GRM7: variants seen among roughly 807,000 people sequenced by gnomAD.
The protein encoded by GRM7 is metabotropic glutamate receptor 7.
Under a neutral mutation model 84.5 loss-of-function variants are expected in GRM7, and 35 were observed. The observed-to-expected ratio is 0.41, with a 90% CI of 0.32 to 0.55. The LOEUF is 0.55. Ranked by LOEUF, GRM7 falls within the 20% of genes least tolerant of loss-of-function variation. The pLI is 0.19. For synonymous variants in GRM7, 487 were observed against 455.1 expected, an observed-to-expected ratio of 1.07 and a Z score of -0.89; for missense variants, 1,003 against 1,194.6, an observed-to-expected ratio of 0.84 and a Z score of 2.36.
chr3:7,106,274 CTTTT>C (rs5846487), intron 1 of GRM7, among the ~76,000 whole-genome samples: 1 of 149,118 alleles, frequency 6.7e-6, no homozygotes, highest in Non-Finnish European at 1.5e-5. Flanking sequence ...ATTCATTTTT[CTTTT>C]TTTTTTATTA....
intron 4 of GRM7, among the ~76,000 whole-genome samples, chr3:7,369,009 T>A (rs1694025203): frequency 6.6e-6 from 1 of 152,146 alleles, no homozygotes; most frequent in Non-Finnish European, 1.5e-5. Context: ...CAGTTGTTGT[T>A]GCTGTCACAC....
intron 4 of GRM7, among the ~76,000 whole-genome samples, chr3:7,363,774 G>A (rs1693765831): frequency 1.3e-5 from 2 of 152,104 alleles, no homozygotes; most frequent in East Asian, 1.9e-4. Flanking sequence ...AGAGCTCCTC[G>A]AATTCTACAT....
intron 7 of GRM7, chr3:7,559,216 G>C (rs1156987411): frequency 2.7e-5 from 4 of 147,636 alleles, no homozygotes; most frequent in Non-Finnish European, 6.0e-5. Context: ...GCCCAAGACA[G>C]CTGCTTGGCT....
chr3:7,356,026 C>T (rs1281510947), intron 4 of GRM7, among the ~76,000 whole-genome samples: 1 of 152,074 alleles, frequency 6.6e-6, no homozygotes, highest in Non-Finnish European at 1.5e-5. Flanking sequence ...GAAGGGAAGT[C>T]TTCCCCATAG....
chr3:7,739,620 G>T (rs1272916510), intron 9 of GRM7, among the ~76,000 whole-genome samples: 2 of 152,166 alleles, frequency 1.3e-5, no homozygotes, highest in African/African-American at 4.8e-5. Flanking sequence ...AATCTGCTGT[G>T]CTCATTGGCT....
chr3:7,622,746 C>T (rs1417966933), intron 8 of GRM7, among the ~76,000 whole-genome samples: 1 of 152,010 alleles, frequency 6.6e-6, no homozygotes, highest in Non-Finnish European at 1.5e-5. Flanking sequence ...AACTTGAAGC[C>T]CACAAGTCAG....
chr3:7,305,045 C>A (rs1164381374), intron 3 of GRM7, among the ~76,000 whole-genome samples: 2 of 152,138 alleles, frequency 1.3e-5, no homozygotes, highest in South Asian at 2.1e-4. Context: ...TATCTAGAGT[C>A]TACTTTCTGA....
chr3:6,884,975 G>C (rs961742277), intron 1 of GRM7, among the ~76,000 whole-genome samples: 1 of 152,132 alleles, frequency 6.6e-6, no homozygotes, highest in African/African-American at 2.4e-5. Flanking sequence ...TGATGTTCTT[G>C]AACTCTTCCA....
chr3:7,394,998 A>C (rs948826649), intron 4 of GRM7, among the ~76,000 whole-genome samples: 1 of 150,690 alleles, frequency 6.6e-6, no homozygotes, highest in African/African-American at 2.4e-5. Context: ...AAATTGCGCC[A>C]TTGCACTCCA....
At chr3:7,362,975 AC>A (rs1420562557) in intron 4 of GRM7, among the ~76,000 whole-genome samples, 1 of 151,966 alleles carries the variant, frequency 6.6e-6, no homozygotes, top group African/African-American at 2.4e-5. Context: ...ATAAAAAGTT[AC>A]CCAGGCATGG....
chr3:6,870,879 G>A (rs1695098470), intron 1 of GRM7, among the ~76,000 whole-genome samples: 2 of 152,136 alleles, frequency 1.3e-5, no homozygotes, highest in Admixed American at 6.5e-5. Context: ...AGGGTTAGGG[G>A]TTAAGGATCA....
chr3:6,933,341 A>G (rs1218210462), intron 1 of GRM7, among the ~76,000 whole-genome samples: 1 of 152,154 alleles, frequency 6.6e-6, no homozygotes, highest in African/African-American at 2.4e-5. Context: ...GGTTGGTAAA[A>G]CAGGATCATA....
intron 1 of GRM7, among the ~76,000 whole-genome samples, chr3:6,993,110 G>A (rs1046419919): frequency 6.6e-6 from 1 of 152,188 alleles, no homozygotes; most frequent in Non-Finnish European, 1.5e-5. Flanking sequence ...TTCTTCAGAT[G>A]GCAGCAGGAA....
intron 7 of GRM7, among the ~76,000 whole-genome samples, chr3:7,535,780 C>G (rs1259463260): frequency 6.6e-6 from 1 of 152,164 alleles, no homozygotes. Flanking sequence ...GTAAGTTACC[C>G]AAGCTACAGA....
At chr3:7,557,208 G>T (rs1008241882) in intron 7 of GRM7, among the ~76,000 whole-genome samples, 27 of 152,098 alleles carry the variant, frequency 1.8e-4, no homozygotes, top group African/African-American at 6.3e-4. Context: ...TCTGTGGGAG[G>T]TAATGGTGCA....
At position 7,096,458 on chromosome 3, in the gene GRM7, T is replaced by G. The variant is rs555332103; in HGVS notation, c.520-49994T>G. ...CCTTATAATTTTAGTATAAAGGATTTGCTTAGGGTGAAGTCTAAGAGGGAT... is the reference window on the plus strand; with the variant it reads ...CCTTATAATTTTAGTATAAAGGATTGGCTTAGGGTGAAGTCTAAGAGGGAT... On this transcript the variant is annotated intron_variant, in intron 1 of 9. Coordinates refer to ENST00000357716, the MANE Select transcript of GRM7 (RefSeq NM_000844.4). 2.6e-5 allele frequency among the ~76,000 whole-genome samples: 4 copies of G among 152,264 alleles called. No homozygotes were observed. In the East Asian group the frequency reaches 7.7e-4, roughly 29 times the overall value.
intron 8 of GRM7, among the ~76,000 whole-genome samples, chr3:7,585,833 C>G (rs1695492155): frequency 6.6e-6 from 1 of 152,182 alleles, no homozygotes; most frequent in Non-Finnish European, 1.5e-5. Context: ...TCTCAAAGCA[C>G]AGGAAACCAT....
intron 9 of GRM7, among the ~76,000 whole-genome samples, chr3:7,724,945 T>A (rs562821677): frequency 3.9e-4 from 9 of 22,836 alleles, no homozygotes; most frequent in Admixed American, 1.6e-3. Flanking sequence ...TTATTATTAT[T>A]TTTTTTTTAT....
intron 2 of GRM7, among the ~76,000 whole-genome samples, chr3:7,255,622 T>G (rs192607703): frequency 1.3e-5 from 2 of 152,316 alleles, no homozygotes; most frequent in East Asian, 3.9e-4. Context: ...TTCTGCTCAT[T>G]CAAGGTGTGT....
Sources: allele counts gnomAD v4.1 joint callset (sites outside exome capture counted in the v4.1 genomes callset), GRCh38; gene constraint gnomAD v4.1.1; transcripts MANE v1.5; gene names NCBI Gene and HGNC (gene_info 2026-07-23, HGNC 2026-07-21).